The following VEGFD variants were observed in gnomAD, a reference collection of about 807,000 sequenced individuals.
VEGFD encodes vascular endothelial growth factor D.
A neutral mutation model predicts 28.0 loss-of-function variants in VEGFD; 26 were observed. The observed-to-expected ratio is 0.93, with a 90% CI of 0.68 to 1.29. The LOEUF (loss-of-function observed/expected upper bound fraction) is 1.29, where lower values mean the gene tolerates loss of function less well. Ranked by LOEUF, VEGFD falls within the 50% of genes most tolerant of loss-of-function variation. The pLI, the probability that VEGFD is intolerant of heterozygous loss-of-function variation, is 0.00. For synonymous variants in VEGFD, 93 were observed against 95.5 expected, an observed-to-expected ratio of 0.97 and a Z score of 0.15; for missense variants, 294 against 273.4, an observed-to-expected ratio of 1.08 and a Z score of -0.53.
chrX:15,352,320 C>CT (rs72308727), intron 5 of VEGFD, among the ~76,000 whole-genome samples: 18,874 of 100,332 alleles, frequency 0.19, 1,487 homozygotes, highest in East Asian at 0.39. Context: ...TTTTTTCTTT[C>CT]TTTTTTTTTT....
chrX:15,346,057 A>G lies in VEGFD; in HGVS notation c.*76T>C. 1.8e-6 allele frequency: 2 copies of G among 1,123,700 alleles called. No individual in the cohort carries two copies. Among genetic ancestry groups the G allele is most frequent in the Non-Finnish European group, 2.4e-6 (2 of 837,041 alleles). The allele number at this position is 1,123,700 out of a possible 1,213,427, so 92.6% of individuals were successfully genotyped here. On this transcript the variant is annotated 3_prime_UTR_variant, in exon 7 of 7. Transcript: ENST00000297904. ...ATGGATTTTTTTTTTAACACCTGGG[A>G]AAAAAACAGTGACAGCAACTTGGCA...
intron 1 of VEGFD, among the ~76,000 whole-genome samples, chrX:15,368,046 G>GA (rs778747373): frequency 3.3e-4 from 24 of 72,355 alleles, no homozygotes; most frequent in Middle Eastern, 7.5e-3. Context: ...AAGAAAGAAA[G>GA]AAAGAAGAAA....
intron 1 of VEGFD, among the ~76,000 whole-genome samples, chrX:15,370,158 C>T (rs939330300): frequency 2.2e-4 from 24 of 111,612 alleles, no homozygotes; most frequent in African/African-American, 4.6e-4. Flanking sequence ...TCCTTCACAA[C>T]GCTACCAGTA....
intron 1 of VEGFD, among the ~76,000 whole-genome samples, chrX:15,368,035 G>GGA (rs1555949598): frequency 6.1e-4 from 23 of 37,456 alleles, no homozygotes; most frequent in African/African-American, 1.8e-3. Flanking sequence ...AGAAAGGAAA[G>GGA]AAGAAAGAAA....
chrX:15,373,968 G>A (rs890914455), intron 1 of VEGFD, among the ~76,000 whole-genome samples: 3 of 111,334 alleles, frequency 2.7e-5, no homozygotes, highest in Non-Finnish European at 5.6e-5. Flanking sequence ...GATCAAGTTA[G>A]ATTGGTGAGT....
chrX:15,358,943 T>C (rs1359268932), intron 2 of VEGFD, among the ~76,000 whole-genome samples: 1 of 112,345 alleles, frequency 8.9e-6, no homozygotes, highest in African/African-American at 3.2e-5. Flanking sequence ...CCTTTGATAC[T>C]TAATGCTGCA....
chrX:15,380,046 T>C (rs1376955459), intron 1 of VEGFD, among the ~76,000 whole-genome samples: 7 of 112,419 alleles, frequency 6.2e-5, no homozygotes, highest in Non-Finnish European at 1.3e-4. Flanking sequence ...CAGATGTGTA[T>C]AGAAGCATAT....
intron 1 of VEGFD, among the ~76,000 whole-genome samples, chrX:15,371,995 T>C (rs1488033834): frequency 1.8e-5 from 2 of 111,935 alleles, no homozygotes; most frequent in African/African-American, 3.2e-5. Flanking sequence ...CCCAGATTTG[T>C]GTTGAACGAA....
At chrX:15,380,168 G>T (rs940235209) in intron 1 of VEGFD, among the ~76,000 whole-genome samples, 15 of 112,595 alleles carry the variant, frequency 1.3e-4, no homozygotes, top group Admixed American at 4.7e-4. Context: ...ACAAAAGCTT[G>T]CTGGGCCATT....
intron 2 of VEGFD, among the ~76,000 whole-genome samples, chrX:15,361,875 T>C (rs1423181999): frequency 2.7e-5 from 3 of 111,847 alleles, no homozygotes; most frequent in African/African-American, 9.8e-5. Flanking sequence ...TGTTTTGTTT[T>C]TTTGTTTTTT....
intron 1 of VEGFD, among the ~76,000 whole-genome samples, chrX:15,368,087 G>GA (rs1387307272): frequency 1.1e-5 from 1 of 90,647 alleles, no homozygotes; most frequent in African/African-American, 4.3e-5. Flanking sequence ...AGAAAGAAAA[G>GA]AAAGAAAGAA....
intron 1 of VEGFD, among the ~76,000 whole-genome samples, chrX:15,378,701 A>G (rs1602232498): frequency 8.9e-6 from 1 of 112,112 alleles, no homozygotes; most frequent in African/African-American, 3.2e-5. Context: ...CACAATTGCC[A>G]AACTATGACC....
At chrX:15,369,418 G>A (rs1053957017) in intron 1 of VEGFD, among the ~76,000 whole-genome samples, 7 of 110,889 alleles carry the variant, frequency 6.3e-5, no homozygotes, top group African/African-American at 2.0e-4. Context: ...GGGGAATCTG[G>A]CAAATAAGTT....
In VEGFD at chrX:15,353,086, G is replaced by T; in HGVS notation, c.724C>A (p.Pro242Thr). The change falls in exon 5 of 7, where the codon CCA becomes ACA. Residue 242 changes from proline (P) to threonine (T), a missense_variant. Transcript: ENST00000297904. ...KCKCVLQEENPLAGTEDHSHL... is the reference protein window; with the variant it reads ...KCKCVLQEENTLAGTEDHSHL... ...TCATTACCTTCTGTTCCAGCAAGTG[G>T]ATTTTCCTCCTGCAAAACACATTTA... 1 of 1,175,140 alleles carries T rather than the reference G, an allele frequency of 8.5e-7. No homozygotes were observed. The highest frequency in any genetic ancestry group is 1.1e-6 in the Non-Finnish European group (1 of 870,264).
At chrX:15,348,479 G>C (rs1054528043) in intron 5 of VEGFD, among the ~76,000 whole-genome samples, 1 of 112,197 alleles carries the variant, frequency 8.9e-6, no homozygotes, top group Admixed American at 9.4e-5. Flanking sequence ...TTCCCACCAG[G>C]ACATACAAGG....
chrX:15,363,153 G>C lies in VEGFD; in HGVS notation c.257C>G (p.Ser86Cys), dbSNP rs931941006. The C allele has an allele frequency of 1.7e-6, 2 of 1,211,091 alleles. No homozygotes were observed. Among genetic ancestry groups the C allele is most frequent in the Admixed American group, 4.4e-5 (2 of 45,925 alleles). Residue 86 changes from serine to cysteine, a missense_variant, in exon 2 of 7, where the codon TCC becomes TGC. Ser to Cys is a moderately radical substitution (Grantham distance 112). Transcript: ENST00000297904. ...ATAGAAAGTTGCCGCAAACCTAGTG[G>C]ACCGATGGGATGCTGAGCGAGAGTC... is the stretch of plus-strand genomic sequence containing the variant. ...SMDSRSASHR[S>C]TRFAATFYDI...
intron 5 of VEGFD, among the ~76,000 whole-genome samples, chrX:15,351,779 A>G (rs192319797): frequency 8.9e-6 from 1 of 112,804 alleles, no homozygotes; most frequent in African/African-American, 3.2e-5. Context: ...TAAATTTTTT[A>G]TATTGATTGC....
At chrX:15,367,986 AAAAGAAAGAAAGAAAGAAAGAAAG>A (rs199761765) in intron 1 of VEGFD, among the ~76,000 whole-genome samples, 1 of 66,631 alleles carries the variant, frequency 1.5e-5, no homozygotes, top group East Asian at 4.1e-4. Context: ...AAGAAAAAGA[AAAAGAAAGAAAGAAAGAAAGAAAG>A]AAAGAAAGAA....
chrX:15,351,566 G>A (rs1290185325), intron 5 of VEGFD, among the ~76,000 whole-genome samples: 1 of 112,067 alleles, frequency 8.9e-6, no homozygotes. Context: ...CATGGAGAAA[G>A]AATTAGATTT....
Sources: gnomAD v4.1 joint callset for allele counts (sites outside exome capture counted in the v4.1 genomes callset) on GRCh38, gnomAD v4.1.1 for gene constraint, MANE v1.5 for transcripts, NCBI Gene and HGNC (gene_info 2026-07-23, HGNC 2026-07-21) for gene names.